COL24A1: variants seen among roughly 807,000 people sequenced by gnomAD.
COL24A1 encodes collagen type XXIV alpha 1 chain, also known as collagen alpha-1(XXIV) chain.
Under a neutral mutation model 253.9 loss-of-function variants are expected in COL24A1, and 224 were observed. The ratio of observed to expected loss-of-function variants is 0.88; its 90% CI spans 0.79 to 0.99. The LOEUF (loss-of-function observed/expected upper bound fraction) is 0.99, where lower values mean the gene tolerates loss of function less well. Among genes scored for constraint, COL24A1 ranks in the 50% least tolerant of loss-of-function variants. COL24A1 has a pLI of 0.00. For missense variants in COL24A1, 2,131 were observed against 2,068.5 expected (o/e 1.03, Z -0.59); for synonymous variants, 685 against 673.7 (o/e 1.02, Z -0.26).
chr1:86,084,544 A>C (rs1194458183), intron 7 of COL24A1, among the ~76,000 whole-genome samples: 2 of 152,196 alleles, frequency 1.3e-5, no homozygotes, highest in African/African-American at 4.8e-5. Context: ...AGTATCTCTC[A>C]ACTAGCTCTC....
intron 2 of COL24A1, among the ~76,000 whole-genome samples, chr1:86,136,192 C>T (rs1008730294): frequency 8.6e-5 from 13 of 152,016 alleles, no homozygotes; most frequent in South Asian, 2.1e-4. Context: ...AGATCTGTCC[C>T]CACTCATCCA....
At chr1:85,894,485 C>A (rs958838517) in intron 31 of COL24A1, among the ~76,000 whole-genome samples, 1 of 151,886 alleles carries the variant, frequency 6.6e-6, no homozygotes, top group Non-Finnish European at 1.5e-5. Context: ...ATATTTTTAC[C>A]TTTATTTTCA....
intron 52 of COL24A1, among the ~76,000 whole-genome samples, chr1:85,778,011 A>T (rs1668734225): frequency 7.6e-6 from 1 of 130,792 alleles, no homozygotes; most frequent in South Asian, 2.6e-4. Context: ...ATATGTGTGT[A>T]TATGTCTCTA....
At chr1:86,041,432 C>T (rs1384058104) in intron 12 of COL24A1, among the ~76,000 whole-genome samples, 1 of 151,936 alleles carries the variant, frequency 6.6e-6, no homozygotes, top group Non-Finnish European at 1.5e-5. Context: ...TCTGTGGAGC[C>T]ATATAAATTT....
Position 85,784,332 on chromosome 1 carries a change from T to G in COL24A1, c.4094A>C (p.Gln1365Pro), listed in dbSNP as rs1231061728. The G allele has an allele frequency of 3.7e-6, 6 of 1,613,886 alleles. No individual in the cohort carries two copies. The highest frequency in any genetic ancestry group is 5.1e-6 in the Non-Finnish European group (6 of 1,179,940). The change falls in exon 49 of 60, where the codon CAA (glutamine) becomes CCA (proline). Residue 1365 changes from glutamine (Q) to proline (P), a missense_variant. Gln to Pro is a moderately conservative substitution (Grantham distance 76). Transcript: ENST00000370571. ...EQGLPGQPGIQGKRGHRGAQG... is the reference protein window; with the variant it reads ...EQGLPGQPGIPGKRGHRGAQG... The stretch of plus-strand genomic sequence containing the variant: ...TGCTCCTCGGTGACCTCTTTTACCT[T>G]GAATTCCAGGTTGACCAGGTAGCCC...
chr1:86,005,594 G>C (rs1166321033), intron 19 of COL24A1, among the ~76,000 whole-genome samples: 3 of 151,792 alleles, frequency 2.0e-5, no homozygotes, highest in Non-Finnish European at 4.4e-5. Context: ...GATCAGAGAA[G>C]AAATAACAGA....
intron 47 of COL24A1, among the ~76,000 whole-genome samples, chr1:85,789,390 G>A (rs1019528476): frequency 6.6e-6 from 1 of 152,052 alleles, no homozygotes; most frequent in African/African-American, 2.4e-5. Context: ...GAATGCTTGT[G>A]GTTTCTGAAC....
At chr1:86,114,882 G>A (rs1379834772) in intron 4 of COL24A1, among the ~76,000 whole-genome samples, 1 of 152,068 alleles carries the variant, frequency 6.6e-6, no homozygotes, top group Non-Finnish European at 1.5e-5. Context: ...AACTACTGCT[G>A]ATCTTTAATG....
At position 85,838,646 on chromosome 1, in the gene COL24A1, G is replaced by A; in HGVS notation, c.3628-8C>T. Reference sequence around the variant, plus strand: ...TTGGTCCCCCACTGGACCCTACAGAGACCACACACAAAACAATCAGTTTTA... The same window carrying A: ...TTGGTCCCCCACTGGACCCTACAGAAACCACACACAAAACAATCAGTTTTA... On this transcript the variant is annotated splice_polypyrimidine_tract_variant and splice_region_variant and intron_variant, in intron 42 of 59. Coordinates refer to ENST00000370571, the MANE Select transcript of COL24A1 (RefSeq NM_152890.7). 2 of 1,613,604 alleles carry A rather than the reference G, an allele frequency of 1.2e-6. No individual in the cohort carries two copies. Among genetic ancestry groups the A allele is most frequent in the South Asian group, 2.2e-5 (2 of 91,044 alleles).
chr1:85,887,488 T>C (rs12732365), intron 32 of COL24A1, among the ~76,000 whole-genome samples: 29,893 of 151,782 alleles, frequency 0.2, 3,281 homozygotes, highest in Non-Finnish European at 0.24. Context: ...TTTTTTTTTT[T>C]CAAGGGCAAG....
chr1:86,101,697 G>C (rs1387778021), intron 5 of COL24A1, among the ~76,000 whole-genome samples: 2 of 152,074 alleles, frequency 1.3e-5, no homozygotes, highest in East Asian at 3.9e-4. Context: ...ATATTGATTT[G>C]CATATGTTGA....
intron 19 of COL24A1, among the ~76,000 whole-genome samples, chr1:86,012,245 A>G (rs1262919867): frequency 2.6e-5 from 4 of 152,208 alleles, no homozygotes; most frequent in Non-Finnish European, 5.9e-5. Context: ...TAAAATTACT[A>G]TTCATTCAAA....
chr1:85,846,962 T>C (rs147874245), intron 39 of COL24A1, among the ~76,000 whole-genome samples: 73 of 152,176 alleles, frequency 4.8e-4, no homozygotes, highest in Middle Eastern at 3.4e-3. Flanking sequence ...CTAGCACTTG[T>C]GACATTTAAA....
rs189200969 is a variant in COL24A1, at chr1:85,788,333, C to T, written c.3952-1872G>A. Among the ~76,000 whole-genome samples the T allele has an allele frequency of 3.7e-4, 56 of 152,228 alleles. 1 individual carries two copies. The East Asian group carries it at 8.1e-3, about 22-fold the overall frequency. ...GTCTTGATCTCCTGACCTCGTGATC[C>T]GCCCATCTCGGCCTCCCAAAGTGCT... On this transcript the variant is annotated intron_variant, in intron 47 of 59. Coordinates refer to ENST00000370571, the MANE Select transcript of COL24A1 (RefSeq NM_152890.7).
At chr1:85,864,915 C>G (rs138487683) in intron 37 of COL24A1, among the ~76,000 whole-genome samples, 2 of 152,018 alleles carry the variant, frequency 1.3e-5, no homozygotes, top group African/African-American at 2.4e-5. Context: ...GATAACAGAC[C>G]GTAAGTCAGG....
chr1:86,035,736 CA>C (rs1351457458), intron 12 of COL24A1, among the ~76,000 whole-genome samples: 1 of 152,066 alleles, frequency 6.6e-6, no homozygotes, highest in Non-Finnish European at 1.5e-5. Flanking sequence ...AATTATATCT[CA>C]ATAAAGTTGT....
At chr1:86,085,040 T>C (rs1702958421) in intron 7 of COL24A1, among the ~76,000 whole-genome samples, 1 of 152,236 alleles carries the variant, frequency 6.6e-6, no homozygotes, top group Non-Finnish European at 1.5e-5. Context: ...AACAGTAGAA[T>C]TCTCCATTAT....
intron 11 of COL24A1, among the ~76,000 whole-genome samples, chr1:86,048,079 T>TA (rs1002756688): frequency 2.0e-5 from 3 of 152,270 alleles, no homozygotes; most frequent in South Asian, 4.1e-4. Flanking sequence ...CAATCTTTTT[T>TA]AAAAAAATAG....
chr1:85,972,644 C>A (rs608460), intron 20 of COL24A1, among the ~76,000 whole-genome samples: 134 of 151,692 alleles, frequency 8.8e-4, no homozygotes, highest in African/African-American at 2.8e-3. Flanking sequence ...TTTTAGTGCA[C>A]GTTGTTTGAG....
Sources: allele counts gnomAD v4.1 joint callset (sites outside exome capture counted in the v4.1 genomes callset), GRCh38; gene constraint gnomAD v4.1.1; transcripts MANE v1.5; gene names NCBI Gene and HGNC (gene_info 2026-07-23, HGNC 2026-07-21).